Variants in STAU2 observed in about 807,000 individuals in gnomAD.
STAU2 encodes staufen double-stranded RNA binding protein 2.
A neutral mutation model predicts 65.9 loss-of-function variants in STAU2; 20 were observed. The observed-to-expected ratio is 0.30, with a 90% CI of 0.21 to 0.44. The LOEUF is 0.44. Ranked by LOEUF, STAU2 falls within the 20% of genes least tolerant of loss-of-function variation. The pLI is 1.00. For missense variants in STAU2, 558 were observed against 683.9 expected (o/e 0.82, Z 2.05); for synonymous variants, 232 against 233.9 (o/e 0.99, Z 0.07).
intron 12 of STAU2, among the ~76,000 whole-genome samples, chr8:73,553,157 A>T (rs1200961715): frequency 6.6e-6 from 1 of 152,236 alleles, no homozygotes; most frequent in Non-Finnish European, 1.5e-5. Context: ...TTTGTCTCAG[A>T]GAAGTTTCAA....
At chr8:73,566,733 T>C (rs1808638786) in intron 12 of STAU2, among the ~76,000 whole-genome samples, 1 of 152,232 alleles carries the variant, frequency 6.6e-6, no homozygotes, top group African/African-American at 2.4e-5. Context: ...TTTTCCTGTA[T>C]GTAAAACATG....
intron 3 of STAU2, among the ~76,000 whole-genome samples, chr8:73,721,287 CAAAAAAAAAAAAAAAAAAA>C (rs35721754): frequency 8.0e-5 from 1 of 12,456 alleles, no homozygotes; most frequent in African/African-American, 3.6e-4. Flanking sequence ...ACCCCACCTC[CAAAAAAAAAAAAAAAAAAA>C]AAAAAAAAAG....
At chr8:73,429,840 C>A (rs915404975) in intron 13 of STAU2, among the ~76,000 whole-genome samples, 2 of 152,162 alleles carry the variant, frequency 1.3e-5, no homozygotes, top group African/African-American at 4.8e-5. Flanking sequence ...CACACTCATT[C>A]TATTGTTTCT....
At chr8:73,699,595 T>C (rs934020146) in intron 4 of STAU2, among the ~76,000 whole-genome samples, 1 of 151,894 alleles carries the variant, frequency 6.6e-6, no homozygotes, top group African/African-American at 2.4e-5. Flanking sequence ...CCTAGACACA[T>C]ACACCCTACA....
At chr8:73,434,041 G>A (rs1304966853) in intron 13 of STAU2, among the ~76,000 whole-genome samples, 1 of 151,870 alleles carries the variant, frequency 6.6e-6, no homozygotes, top group Non-Finnish European at 1.5e-5. Context: ...ATGGTGACGT[G>A]GGAAGGTTAG....
At chr8:73,549,942 T>C (rs962121266) in intron 13 of STAU2, 13 of 985,726 alleles carry the variant, frequency 1.3e-5, no homozygotes, top group African/African-American at 1.7e-5. Context: ...CAGGTAAATA[T>C]ACCTGAGAGG....
chr8:73,484,013 C>T (rs1359671956), intron 13 of STAU2, among the ~76,000 whole-genome samples: 1 of 152,130 alleles, frequency 6.6e-6, no homozygotes, highest in East Asian at 1.9e-4. Flanking sequence ...AAAATATAGT[C>T]ATATCCGGAG....
chr8:73,474,527 C>G (rs923308188), intron 13 of STAU2, among the ~76,000 whole-genome samples: 1 of 146,960 alleles, frequency 6.8e-6, no homozygotes. Context: ...AAAGCAAAAC[C>G]AAAGCCCACC....
In STAU2 at chr8:73,608,410, C is replaced by A. The variant is rs539790832; in HGVS notation, c.892-4547G>T. Among the ~76,000 whole-genome samples the A allele has an allele frequency of 2.0e-5, 3 of 151,810 alleles. No homozygotes were observed. In the South Asian group the frequency reaches 6.3e-4, roughly 32 times the overall value. On this transcript the variant is annotated intron_variant, in intron 9 of 14. Transcript: ENST00000524300. ...GATCACAAGGTCAGGAGTTCGAGAC[C>A]AGCCTGACCAACATGGTGAAAGCCC... is the stretch of plus-strand genomic sequence containing the variant.
At chr8:73,433,054 G>A (rs1434192762) in intron 13 of STAU2, among the ~76,000 whole-genome samples, 11 of 152,190 alleles carry the variant, frequency 7.2e-5, no homozygotes, top group Non-Finnish European at 1.5e-4. Context: ...TGACAACAAC[G>A]CAGAGTGGAA....
chr8:73,560,155 A>G (rs1808112039), intron 12 of STAU2, among the ~76,000 whole-genome samples: 1 of 140,012 alleles, frequency 7.1e-6, no homozygotes, highest in African/African-American at 2.7e-5. Flanking sequence ...ATCTCGGCTC[A>G]CTGCAAGCTC....
intron 12 of STAU2, among the ~76,000 whole-genome samples, chr8:73,565,656 CCAT>C (rs986551633): frequency 5.9e-5 from 9 of 152,332 alleles, no homozygotes; most frequent in African/African-American, 1.2e-4. Flanking sequence ...CCCACCACCA[CCAT>C]GACTGCTATC....
chr8:73,608,117 T>G (rs951565219), intron 9 of STAU2, among the ~76,000 whole-genome samples: 3 of 152,168 alleles, frequency 2.0e-5, no homozygotes, highest in Non-Finnish European at 2.9e-5. Flanking sequence ...AGAAAATTAC[T>G]AAGAGGTTTT....
At chr8:73,618,934 A>G (rs1281354809) in intron 6 of STAU2, among the ~76,000 whole-genome samples, 1 of 152,216 alleles carries the variant, frequency 6.6e-6, no homozygotes, top group Non-Finnish European at 1.5e-5. Context: ...CTATTGAGAC[A>G]GTGAAGATTG....
At chr8:73,728,433 T>C (rs1006179297) in intron 3 of STAU2, among the ~76,000 whole-genome samples, 5 of 141,506 alleles carry the variant, frequency 3.5e-5, no homozygotes, top group Admixed American at 2.2e-4. Flanking sequence ...CAATTCCATA[T>C]GAATATGAGG....
At chr8:73,647,278 A>T (rs1481775176) in intron 6 of STAU2, among the ~76,000 whole-genome samples, 1 of 152,216 alleles carries the variant, frequency 6.6e-6, no homozygotes, top group Middle Eastern at 3.2e-3. Context: ...ACCCATACAT[A>T]GATATTCACA....
At chr8:73,529,628 A>C (rs1473100732) in intron 13 of STAU2, among the ~76,000 whole-genome samples, 1 of 152,260 alleles carries the variant, frequency 6.6e-6, no homozygotes, top group East Asian at 1.9e-4. Context: ...TGACTCAGAT[A>C]CCATTAATGA....
At chr8:73,430,940 G>A (rs1248240767) in intron 13 of STAU2, among the ~76,000 whole-genome samples, 1 of 152,182 alleles carries the variant, frequency 6.6e-6, no homozygotes, top group African/African-American at 2.4e-5. Flanking sequence ...TCTAAACTTT[G>A]TATTTACTGA....
At chr8:73,569,271 G>A (rs962510210) in intron 12 of STAU2, among the ~76,000 whole-genome samples, 4 of 152,184 alleles carry the variant, frequency 2.6e-5, no homozygotes, top group South Asian at 2.1e-4. Flanking sequence ...AGGGCCGTCC[G>A]CCATTGCTGA....
Sources: gnomAD v4.1 joint callset for allele counts (sites outside exome capture counted in the v4.1 genomes callset) on GRCh38, gnomAD v4.1.1 for gene constraint, MANE v1.5 for transcripts, NCBI Gene and HGNC (gene_info 2026-07-23, HGNC 2026-07-21) for gene names.